Variants in NREP observed in about 807,000 individuals in gnomAD.
The protein encoded by NREP is neuronal regeneration-related protein.
In NREP, 5 loss-of-function variants were observed where a neutral mutation model predicts 8.6. The observed-to-expected ratio is 0.58, with a 90% CI of 0.30 to 1.22. The LOEUF is 1.22. Among genes scored for constraint, NREP ranks in the 50% most tolerant of loss-of-function variants. The pLI is 0.07. For missense variants in NREP, 86 were observed against 82.5 expected (o/e 1.04, Z -0.17); for synonymous variants, 27 against 28.0 (o/e 0.96, Z 0.11).
chr5:111,924,730 A>C (rs767428896), intron 2 of NREP, among the ~76,000 whole-genome samples: 12 of 152,186 alleles, frequency 7.9e-5, no homozygotes, highest in Non-Finnish European at 1.2e-4. Context: ...CTCTGGCTTT[A>C]GGGGATATTT....
At chr5:111,860,501 CCAGT>C (rs754050247) in intron 2 of NREP, among the ~76,000 whole-genome samples, 1 of 152,062 alleles carries the variant, frequency 6.6e-6, no homozygotes, top group Non-Finnish European at 1.5e-5. Context: ...AATCTTGAGT[CCAGT>C]CAGTTAGTGC....
chr5:111,913,126 G>C lies in NREP; in HGVS notation c.135+62148C>G, dbSNP rs564825725. ...CAACAAAAGTTGAAGGTAAGTGTTA[G>C]TATCCATTTTTTACAGTAAAGGCAG... On this transcript the variant is annotated intron_variant, in intron 2 of 3. Transcript: ENST00000395634. Among the ~76,000 whole-genome samples the C allele has an allele frequency of 2.1e-4, 32 of 152,052 alleles. No individual in the cohort carries two copies. The South Asian group carries it at 6.6e-3, about 32-fold the overall frequency.
intron 2 of NREP, among the ~76,000 whole-genome samples, chr5:111,964,536 A>G (rs528721060): frequency 6.6e-6 from 1 of 151,988 alleles, no homozygotes; most frequent in South Asian, 2.1e-4. Flanking sequence ...CTGGCTAAAA[A>G]TTTTTGTATA....
At chr5:111,762,649 G>T (rs946687035), upstream of NREP, among the ~76,000 whole-genome samples, 1 of 152,140 alleles carries the variant, frequency 6.6e-6, no homozygotes, top group South Asian at 2.1e-4. Flanking sequence ...AAGACCACAC[G>T]AAGATGTGGG....
At chr5:111,926,799 T>C (rs1755398762) in intron 2 of NREP, among the ~76,000 whole-genome samples, 1 of 151,806 alleles carries the variant, frequency 6.6e-6, no homozygotes, top group Non-Finnish European at 1.5e-5. Context: ...TCCCCACTAC[T>C]ATTCTCCTTC....
chr5:111,812,285 TCAAACAAACAAACAAA>T (rs139562751), intron 2 of NREP, among the ~76,000 whole-genome samples: 9 of 151,600 alleles, frequency 5.9e-5, no homozygotes, highest in Admixed American at 3.9e-4. Flanking sequence ...AGACCCTGTC[TCAAACAAACAAACAAA>T]CAAACAAACA....
intron 2 of NREP, among the ~76,000 whole-genome samples, chr5:111,951,848 G>A (rs557593500): frequency 9.1e-4 from 138 of 152,034 alleles, no homozygotes; most frequent in Non-Finnish European, 1.3e-3. Context: ...CCATGTTTGC[G>A]AGGTATGCCA....
At chr5:111,900,940 A>C (rs1044458091) in intron 2 of NREP, among the ~76,000 whole-genome samples, 1 of 152,146 alleles carries the variant, frequency 6.6e-6, no homozygotes, top group African/African-American at 2.4e-5. Flanking sequence ...CCAAAACCAG[A>C]CTAGGCTACA....
chr5:111,829,165 G>C (rs1201616757), intron 2 of NREP, among the ~76,000 whole-genome samples: 1 of 152,140 alleles, frequency 6.6e-6, no homozygotes, highest in African/African-American at 2.4e-5. Context: ...GGAAGACACA[G>C]AGATGAGGTT....
intron 2 of NREP, among the ~76,000 whole-genome samples, chr5:111,884,477 G>A (rs1430950772): frequency 2.0e-5 from 3 of 152,062 alleles, no homozygotes; most frequent in Non-Finnish European, 4.4e-5. Context: ...CATTTTATGA[G>A]GCCAGCATCA....
intron 2 of NREP, among the ~76,000 whole-genome samples, chr5:111,830,463 T>C (rs1173844227): frequency 2.0e-5 from 3 of 152,216 alleles, no homozygotes; most frequent in African/African-American, 7.2e-5. Flanking sequence ...AATCAAGAGA[T>C]AGCGAAAGCT....
chr5:111,753,890 A>T lies in NREP; in HGVS notation c.3+1880T>A, dbSNP rs1025315849. Among the ~76,000 whole-genome samples the T allele has an allele frequency of 4.9e-5, 7 of 144,026 alleles. No homozygotes were observed. In the South Asian group the frequency reaches 1.5e-3, roughly 31 times the overall value. 94.5% of individuals were successfully genotyped at this position (144,026 alleles called of 152,430 possible). On this transcript the variant is annotated intron_variant, in intron 2 of 3. Coordinates refer to ENST00000257435, the MANE Select transcript of NREP (RefSeq NM_004772.4). ...AAAGACACCTCTAATATCACTTCTT[A>T]AAAAAAAAAAAAGTGAAACCTTTTT...
chr5:111,886,221 A>G (rs1754243312), intron 2 of NREP, among the ~76,000 whole-genome samples: 2 of 152,386 alleles, frequency 1.3e-5, no homozygotes, highest in East Asian at 3.9e-4. Flanking sequence ...ACATGAAAAA[A>G]TGCTCACCAT....
Position 111,976,846 on chromosome 5 carries a change from T to A in NREP, c.-107A>T. On this transcript the variant is annotated 5_prime_UTR_variant, in exon 1 of 4. Coordinates refer to the NREP transcript ENST00000395634. ...CAGGACACAGCTCTGCAGCCCATTC[T>A]GATTGTCCAATGTTTCTTTTGATAA... 5 of 806,526 alleles carry A rather than the reference T, an allele frequency of 6.2e-6. No homozygotes were observed. In the South Asian group the frequency reaches 8.4e-5, roughly 14 times the overall value. 50.0% of individuals were successfully genotyped at this position (806,526 alleles called of 1,614,324 possible).
At chr5:111,825,086 A>T (rs1462962829) in intron 2 of NREP, among the ~76,000 whole-genome samples, 2 of 152,004 alleles carry the variant, frequency 1.3e-5, no homozygotes, top group Middle Eastern at 3.2e-3. Flanking sequence ...AGTTATGTAG[A>T]CTCTATTTTC....
chr5:111,941,644 C>A (rs2112617248), intron 2 of NREP, among the ~76,000 whole-genome samples: 1 of 152,158 alleles, frequency 6.6e-6, no homozygotes, highest in East Asian at 1.9e-4. Context: ...TGACATAGTT[C>A]TGCTCCTAAC....
At chr5:111,741,652 G>A (rs941126385) in intron 2 of NREP, among the ~76,000 whole-genome samples, 7 of 152,122 alleles carry the variant, frequency 4.6e-5, no homozygotes, top group Admixed American at 3.3e-4. Flanking sequence ...GGGAAAACAC[G>A]TTGCCACTGG....
At chr5:111,745,674 C>G (rs915746576) in intron 2 of NREP, among the ~76,000 whole-genome samples, 7 of 152,126 alleles carry the variant, frequency 4.6e-5, no homozygotes, top group African/African-American at 1.7e-4. Flanking sequence ...TAAAAACAAA[C>G]TGCTTAGTTA....
chr5:111,862,893 G>C (rs1184799268), intron 2 of NREP, among the ~76,000 whole-genome samples: 1 of 150,760 alleles, frequency 6.6e-6, no homozygotes, highest in Non-Finnish European at 1.5e-5. Context: ...CCAAGAAAAA[G>C]GAGGGTGACA....
Sources: gnomAD v4.1 joint callset for allele counts (sites outside exome capture counted in the v4.1 genomes callset) on GRCh38, gnomAD v4.1.1 for gene constraint, MANE v1.5 for transcripts, NCBI Gene and HGNC (gene_info 2026-07-23, HGNC 2026-07-21) for gene names.